Variants in PPP2R1B observed in about 807,000 individuals in gnomAD.
PPP2R1B encodes serine/threonine-protein phosphatase 2A 65 kDa regulatory subunit A beta isoform.
In PPP2R1B, 58 loss-of-function variants were observed where a neutral mutation model predicts 72.7. The ratio of observed to expected loss-of-function variants is 0.80; its 90% confidence interval spans 0.65 to 0.99. PPP2R1B has a LOEUF of 0.99. Among genes scored for constraint, PPP2R1B ranks in the 50% least tolerant of loss-of-function variants. The pLI is 0.00. For missense variants in PPP2R1B, 695 were observed against 733.6 expected (o/e 0.95, Z 0.61); for synonymous variants, 256 against 264.6 (o/e 0.97, Z 0.32).
chr11:111,715,793 C>CTTTTTTT, the PPP2R1B span, among the ~76,000 whole-genome samples: 163 of 81,594 alleles, frequency 2.0e-3, no homozygotes, highest in South Asian at 3.9e-3. Flanking sequence ...TCATTTTTAG[C>CTTTTTTT]TTTTTTTTTT....
chr11:111,728,923 C>CA (rs753877747), intron 15 of PPP2R1B: 1,093 of 91,040 alleles, frequency 0.012, 14 homozygotes, highest in East Asian at 0.067. Flanking sequence ...GACTCCACCT[C>CA]AAAAAAAAAA....
the PPP2R1B span, among the ~76,000 whole-genome samples, chr11:111,692,590 G>A: frequency 6.6e-6 from 1 of 151,992 alleles, no homozygotes; most frequent in African/African-American, 2.4e-5. Flanking sequence ...GCTATAAAGT[G>A]TTTAGATGGA....
intron 5 of PPP2R1B, among the ~76,000 whole-genome samples, chr11:111,756,915 A>C (rs1945141471): frequency 6.6e-6 from 1 of 152,062 alleles, no homozygotes; most frequent in Admixed American, 6.6e-5. Flanking sequence ...AGAGTTCAAC[A>C]CCAGCCTGGC....
At chr11:111,692,974 A>T in the PPP2R1B span, among the ~76,000 whole-genome samples, 3 of 152,180 alleles carry the variant, frequency 2.0e-5, no homozygotes, top group African/African-American at 7.2e-5. Flanking sequence ...AACATGGTTC[A>T]TTTTAATAAA....
the PPP2R1B span, chr11:111,712,322 G>T: frequency 6.2e-7 from 1 of 1,614,194 alleles, no homozygotes; most frequent in Non-Finnish European, 8.5e-7. Flanking sequence ...TCCAGCATCT[G>T]GCTGTCAGGC....
the PPP2R1B span, among the ~76,000 whole-genome samples, chr11:111,688,974 G>A: frequency 6.6e-6 from 1 of 152,152 alleles, no homozygotes; most frequent in African/African-American, 2.4e-5. This position sits in a 1 kb window ranked among gnomAD's most constrained non-coding sequence, Gnocchi z 4.2. Context: ...TATAGGTGAG[G>A]GAACAAGCAG....
chr11:111,759,774 G>A, intron 5 of PPP2R1B, 30 bp downstream of exon 5: 1 of 1,582,490 alleles, frequency 6.3e-7, no homozygotes, highest in East Asian at 2.3e-5. Flanking sequence ...GAGCATATCT[G>A]TGTCCCTTAA....
intron 2 of PPP2R1B, 27 bp downstream of exon 2, chr11:111,765,267 C>A: frequency 6.3e-7 from 1 of 1,575,570 alleles, no homozygotes; most frequent in Non-Finnish European, 8.7e-7. Flanking sequence ...AATGTCCCTA[C>A]CTTTCTTTAA....
At chr11:111,734,097 T>C (rs1944272761), downstream of PPP2R1B, among the ~76,000 whole-genome samples, 1 of 152,216 alleles carries the variant, frequency 6.6e-6, no homozygotes, top group Non-Finnish European at 1.5e-5. Context: ...CAGGGTTTAC[T>C]GCGAGGGGCA....
intron 11 of PPP2R1B, among the ~76,000 whole-genome samples, chr11:111,747,355 C>G (rs1944738431): frequency 6.6e-6 from 1 of 152,194 alleles, no homozygotes; most frequent in East Asian, 1.9e-4. Context: ...TCCTGCTGTC[C>G]TATCTGACCT....
chr11:111,758,570 CAG>C (rs1363205008), intron 5 of PPP2R1B, among the ~76,000 whole-genome samples: 2 of 151,868 alleles, frequency 1.3e-5, no homozygotes, highest in Non-Finnish European at 2.9e-5. Context: ...AGCCTGGTGA[CAG>C]AGTGAGACTC....
At chr11:111,764,950 C>A in intron 2 of PPP2R1B, 45 bp from the exon 3 acceptor site, 1 of 1,600,600 alleles carries the variant, frequency 6.2e-7, no homozygotes, top group South Asian at 1.1e-5. Context: ...ATAGCTCTCC[C>A]ACAGCTGGAC....
chr11:111,696,978 A>C, the PPP2R1B span, among the ~76,000 whole-genome samples: 1 of 152,250 alleles, frequency 6.6e-6, no homozygotes, highest in Non-Finnish European at 1.5e-5. Flanking sequence ...CTGTGAAGAA[A>C]TTAAAAGGCT....
downstream of PPP2R1B, chr11:111,723,923 C>G: frequency 1.9e-6 from 3 of 1,613,946 alleles, no homozygotes; most frequent in Middle Eastern, 5.0e-4. Context: ...TTCCCCTGCG[C>G]CAGACTATCC....
intron 9 of PPP2R1B, among the ~76,000 whole-genome samples, 177 bp from the exon 10 acceptor site, chr11:111,752,509 G>T (rs1224678875): frequency 6.6e-6 from 1 of 152,092 alleles, no homozygotes; most frequent in Non-Finnish European, 1.5e-5. Context: ...ATCTTAATCA[G>T]AAATTTCAAT....
the PPP2R1B span, chr11:111,701,377 C>A: frequency 6.5e-7 from 1 of 1,542,990 alleles, no homozygotes; most frequent in South Asian, 1.3e-5. The surrounding 1 kb of genome is among the most constrained non-coding windows in gnomAD (Gnocchi z 4.2). Flanking sequence ...TTTCAAGAGC[C>A]CTGGGGATGT....
At position 111,738,976 on chromosome 11, in the gene PPP2R1B, G is replaced by A. The variant is rs1266103141; in HGVS notation, c.*2620C>T. The A allele has an allele frequency of 1.0e-6, 1 of 984,366 alleles. No individual in the cohort carries two copies. Among genetic ancestry groups the A allele is most frequent in the African/African-American group, 1.8e-5 (1 of 56,914 alleles). The allele number at this position is 984,366 out of a possible 1,614,324, so 61.0% of individuals were successfully genotyped here. ...ACAACTGATGTAAGCTGCCAAGGAT[G>A]AAAAACAACATTACATGTCTGAAGC... is the stretch of plus-strand genomic sequence containing the variant. On this transcript the variant is annotated 3_prime_UTR_variant, in exon 15 of 15. Transcript: ENST00000527614.
chr11:111,716,751 G>A, the PPP2R1B span, among the ~76,000 whole-genome samples: 9 of 152,142 alleles, frequency 5.9e-5, no homozygotes, highest in South Asian at 4.2e-4. Context: ...AAGTAAAACC[G>A]TAAATTCAGG....
intron 14 of PPP2R1B, among the ~76,000 whole-genome samples, chr11:111,741,815 G>A (rs549936006): frequency 3.9e-5 from 6 of 152,336 alleles, no homozygotes; most frequent in Admixed American, 1.3e-4. Context: ...TCTTACCAGT[G>A]AGAATCGTAT....
Sources: allele counts gnomAD v4.1 joint callset (sites outside exome capture counted in the v4.1 genomes callset), GRCh38; gene constraint gnomAD v4.1.1; non-coding constraint Gnocchi (gnomAD v3.1); transcripts MANE v1.5; gene names NCBI Gene and HGNC (gene_info 2026-07-23, HGNC 2026-07-21).